Variants in SLC24A2 observed in about 807,000 individuals in gnomAD.
SLC24A2 encodes the protein solute carrier family 24 member 2, also known as sodium/potassium/calcium exchanger 2.
SLC24A2 carries 36 observed loss-of-function variants against 62.0 expected under a neutral mutation model. The observed-to-expected ratio is 0.58, with a 90% CI of 0.44 to 0.77. The LOEUF (loss-of-function observed/expected upper bound fraction) is 0.77. SLC24A2 is among the 30% of genes least tolerant of loss of function. The probability of loss-of-function intolerance (pLI) is 0.00; values close to 1 mark genes in which losing one functional copy is unlikely to be tolerated. For missense variants in SLC24A2, 846 were observed against 817.9 expected (o/e 1.03, Z -0.42); for synonymous variants, 358 against 294.0 (o/e 1.22, Z -2.23).
chr9:20,074,605 A>G, the SLC24A2 span, among the ~76,000 whole-genome samples: 15,857 of 52,376 alleles, frequency 0.3, 2,275 homozygotes, highest in East Asian at 0.68. Context: ...AAGGAAGGAA[A>G]GAAGGGAGTG....
the SLC24A2 span, among the ~76,000 whole-genome samples, chr9:20,051,392 C>T: frequency 2.6e-5 from 4 of 151,946 alleles, no homozygotes; most frequent in East Asian, 7.7e-4. Flanking sequence ...AGATAATAAT[C>T]ATGAAACTGG....
rs375872957 is a variant in SLC24A2, at chr9:19,758,996, A to G, written c.930+26941T>C. The stretch of plus-strand genomic sequence containing the variant: ...GTGCTTGCCTAACTCTTTTGTGTCA[A>G]GATTGCACAGCAATCAGTATGCAGC... On this transcript the variant is annotated intron_variant, in intron 2 of 10. Transcript: ENST00000341998. 3.3e-5 allele frequency among the ~76,000 whole-genome samples: 5 copies of G among 152,320 alleles called. No homozygotes were observed. The East Asian group carries it at 5.8e-4, about 18-fold the overall frequency.
chr9:19,602,805 C>T (rs1836876459), intron 4 of SLC24A2, among the ~76,000 whole-genome samples: 1 of 152,100 alleles, frequency 6.6e-6, no homozygotes, highest in Non-Finnish European at 1.5e-5. Flanking sequence ...AATAAAAGTT[C>T]TTATCTTATA....
At chr9:19,699,076 T>C (rs1414186540) in intron 2 of SLC24A2, among the ~76,000 whole-genome samples, 1 of 152,124 alleles carries the variant, frequency 6.6e-6, no homozygotes, top group East Asian at 1.9e-4. Flanking sequence ...ATGGAATTCC[T>C]GCCTAGAGGT....
the SLC24A2 span, among the ~76,000 whole-genome samples, chr9:19,934,482 C>G: frequency 6.6e-6 from 1 of 151,838 alleles, no homozygotes; most frequent in Non-Finnish European, 1.5e-5. The surrounding 1 kb of genome is among the most constrained non-coding windows in gnomAD (Gnocchi z 4.1). Flanking sequence ...ATCCTGGCCC[C>G]CATTGCAGCT....
chr9:20,019,205 A>AAGAAAGAAAGAAAGAC, the SLC24A2 span, among the ~76,000 whole-genome samples: 1 of 139,134 alleles, frequency 7.2e-6, no homozygotes, highest in African/African-American at 2.5e-5. Flanking sequence ...AAAGAAGGAA[A>AAGAAAGAAAGAAAGAC]AGAAAGAAAG....
the SLC24A2 span, among the ~76,000 whole-genome samples, chr9:20,124,487 G>T: frequency 6.6e-6 from 1 of 152,110 alleles, no homozygotes; most frequent in African/African-American, 2.4e-5. Flanking sequence ...AGTTTCCACC[G>T]TCAAAGCCAA....
chr9:20,280,421 A>C, the SLC24A2 span, among the ~76,000 whole-genome samples: 1 of 152,152 alleles, frequency 6.6e-6, no homozygotes, highest in African/African-American at 2.4e-5. Context: ...GGGCGCCATG[A>C]GCTATTAGCA....
the SLC24A2 span, among the ~76,000 whole-genome samples, chr9:19,924,381 A>G: frequency 6.6e-6 from 1 of 152,110 alleles, no homozygotes; most frequent in Non-Finnish European, 1.5e-5. Context: ...GGGGGAGTCC[A>G]CCACCCCATT....
At chr9:20,041,553 C>T in the SLC24A2 span, among the ~76,000 whole-genome samples, 1 of 152,150 alleles carries the variant, frequency 6.6e-6, no homozygotes, top group Non-Finnish European at 1.5e-5. Context: ...ACAAAACCAG[C>T]CTTGTATCAT....
intron 7 of SLC24A2, among the ~76,000 whole-genome samples, chr9:19,563,032 G>C (rs1042958491): frequency 2.0e-5 from 3 of 152,162 alleles, no homozygotes; most frequent in Non-Finnish European, 4.4e-5. Context: ...CTCAAGCCCA[G>C]AAGTTGGAGG....
At chr9:19,732,222 A>G (rs1411232465) in intron 2 of SLC24A2, among the ~76,000 whole-genome samples, 1 of 152,176 alleles carries the variant, frequency 6.6e-6, no homozygotes, top group Non-Finnish European at 1.5e-5. Context: ...TGGGCACATT[A>G]TGTCTGCTGC....
intron 9 of SLC24A2, among the ~76,000 whole-genome samples, chr9:19,521,856 CTTTTTTTCTT>C (rs1334175537): frequency 4.6e-4 from 62 of 133,868 alleles, no homozygotes; most frequent in African/African-American, 1.1e-3. Context: ...GTGGCTATTA[CTTTTTTTCTT>C]TTTTTTTCTT....
intron 2 of SLC24A2, among the ~76,000 whole-genome samples, chr9:19,707,999 T>C (rs1421967906): frequency 1.3e-5 from 2 of 152,134 alleles, no homozygotes; most frequent in Non-Finnish European, 2.9e-5. Context: ...TGTGTATCTA[T>C]AAAACCCCAT....
chr9:19,552,957 G>C (rs1158311579), intron 7 of SLC24A2, among the ~76,000 whole-genome samples: 2 of 152,208 alleles, frequency 1.3e-5, no homozygotes, highest in African/African-American at 2.4e-5. Context: ...GCTGTTGCTA[G>C]GGCAGAAATG....
the SLC24A2 span, among the ~76,000 whole-genome samples, chr9:20,096,100 C>T: frequency 3.8e-3 from 527 of 137,944 alleles, 16 homozygotes; most frequent in East Asian, 0.064. Flanking sequence ...TCCGTCCGTC[C>T]GTCCGTCCGT....
intron 7 of SLC24A2, among the ~76,000 whole-genome samples, chr9:19,563,892 A>C (rs10964209): frequency 0.92 from 128,201 of 138,664 alleles, 59,353 homozygotes; most frequent in East Asian, 1. Context: ...TCTCCTTTGT[A>C]GCCTAGGCTG....
the SLC24A2 span, among the ~76,000 whole-genome samples, chr9:20,232,047 G>C: frequency 6.6e-6 from 1 of 152,056 alleles, no homozygotes. Context: ...TTATTGATTT[G>C]CATATGTTGA....
the SLC24A2 span, among the ~76,000 whole-genome samples, chr9:20,153,776 A>G: frequency 5.9e-5 from 9 of 152,168 alleles, no homozygotes; most frequent in South Asian, 1.9e-3. Flanking sequence ...TTGCAGGGCA[A>G]AACACCAAAA....
Sources: allele counts gnomAD v4.1 joint callset (sites outside exome capture counted in the v4.1 genomes callset), GRCh38; gene constraint gnomAD v4.1.1; non-coding constraint Gnocchi (gnomAD v3.1); transcripts MANE v1.5; gene names NCBI Gene and HGNC (gene_info 2026-07-23, HGNC 2026-07-21).